The following FER1L6 variants were observed in gnomAD, a reference collection of about 807,000 sequenced individuals.
The protein encoded by FER1L6 is fer-1 like family member 6.
In FER1L6, 177 loss-of-function variants were observed where a neutral mutation model predicts 219.2. That is an observed-to-expected ratio of 0.81 (90% CI 0.71 to 0.91). FER1L6 has a LOEUF of 0.91. Among genes scored for constraint, FER1L6 ranks in the 40% least tolerant of loss-of-function variants. FER1L6 has a pLI of 0.00. For missense variants in FER1L6, 2,153 were observed against 2,259.9 expected (o/e 0.95, Z 0.96); for synonymous variants, 768 against 824.3 (o/e 0.93, Z 1.17).
At chr8:124,060,384 G>A (rs1214222049) in intron 23 of FER1L6, 94 bp downstream of exon 23, 3 of 1,435,872 alleles carry the variant, frequency 2.1e-6, no homozygotes, top group Non-Finnish European at 2.9e-6. Context: ...ATGGGCGGGA[G>A]ACCTAGAGAA....
chr8:123,990,120 T>A (rs932491072), intron 12 of FER1L6, among the ~76,000 whole-genome samples: 2 of 151,982 alleles, frequency 1.3e-5, no homozygotes, highest in Non-Finnish European at 2.9e-5. Flanking sequence ...TACAAAAAAT[T>A]AGCTGGGTGT....
chr8:123,871,164 C>T (rs555962677), intron 1 of FER1L6, among the ~76,000 whole-genome samples: 86 of 152,234 alleles, frequency 5.6e-4, no homozygotes, highest in African/African-American at 2.0e-3. Context: ...AGTATGAACT[C>T]GTGTTTACTT....
In FER1L6 at chr8:124,064,548, A is replaced by G; in HGVS notation, c.3530A>G (p.Glu1177Gly). 2 of 1,609,924 alleles carry G rather than the reference A, an allele frequency of 1.2e-6. No individual in the cohort carries two copies. Among genetic ancestry groups the G allele is most frequent in the Non-Finnish European group, 1.7e-6 (2 of 1,179,012 alleles). Residue 1177 changes from glutamate (E) to glycine (G), a missense_variant, in exon 26 of 41, where the codon GAG (glutamate) becomes GGG (glycine). Coordinates refer to ENST00000522917, the MANE Select transcript of FER1L6 (RefSeq NM_001039112.2). Reference protein sequence around the residue: ...LEPEHTPVAQEPPKDGKPKDP... With the variant: ...LEPEHTPVAQGPPKDGKPKDP... The stretch of plus-strand genomic sequence containing the variant: ...CCTGAACACACACCTGTAGCCCAGG[A>G]GCCACCAAAAGATGGAAAACCTAAG...
intron 34 of FER1L6, among the ~76,000 whole-genome samples, chr8:124,091,828 G>T (rs984939678): frequency 1.3e-5 from 2 of 151,938 alleles, no homozygotes; most frequent in African/African-American, 2.4e-5. Flanking sequence ...GTAGCCATGC[G>T]TGGTGGCAGA....
intron 1 of FER1L6, among the ~76,000 whole-genome samples, chr8:123,902,854 G>T (rs1345178025): frequency 1.3e-5 from 2 of 152,074 alleles, no homozygotes; most frequent in Admixed American, 1.3e-4. Flanking sequence ...TTTTGTTGTT[G>T]TTGTTGTTTT....
intron 25 of FER1L6, among the ~76,000 whole-genome samples, chr8:124,063,767 G>A (rs1185512870): frequency 6.6e-6 from 1 of 152,162 alleles, no homozygotes; most frequent in Non-Finnish European, 1.5e-5. Context: ...TACCGAACTG[G>A]GAAATGTTCC....
chr8:124,086,560 AGTT>A (rs771805217), intron 33 of FER1L6, among the ~76,000 whole-genome samples: 6 of 151,794 alleles, frequency 4.0e-5, no homozygotes, highest in African/African-American at 7.2e-5. Flanking sequence ...TGTCTTTAAA[AGTT>A]GTTGTAGTTA....
intron 1 of FER1L6, among the ~76,000 whole-genome samples, chr8:123,874,384 A>T (rs1409574844): frequency 2.6e-5 from 4 of 152,184 alleles, no homozygotes; most frequent in African/African-American, 4.8e-5. Context: ...ACCCTCTGTA[A>T]AGTGGGAGTA....
In FER1L6 at chr8:123,907,678, G is replaced by A. The variant is rs75307787; in HGVS notation, c.-7-48314G>A. Among the ~76,000 whole-genome samples the A allele has an allele frequency of 1.4e-3, 211 of 148,166 alleles. 4 individuals are homozygous for A. In the East Asian group the frequency reaches 0.033, roughly 23 times the overall value. ...TAAAACCCAGGAGGCTTCCCTGAGG[G>A]CCTCTCACTGGACATGATTGTATGA... On this transcript the variant is annotated intron_variant, in intron 1 of 40. Coordinates refer to ENST00000522917, the MANE Select transcript of FER1L6 (RefSeq NM_001039112.2).
intron 1 of FER1L6, among the ~76,000 whole-genome samples, chr8:123,926,237 G>A (rs1164020791): frequency 6.6e-6 from 1 of 152,216 alleles, no homozygotes; most frequent in Non-Finnish European, 1.5e-5. Flanking sequence ...AGAGAATCTT[G>A]TTGTGATGTC....
chr8:124,085,317 T>C (rs1315270667), intron 33 of FER1L6, among the ~76,000 whole-genome samples: 1 of 152,108 alleles, frequency 6.6e-6, no homozygotes, highest in Non-Finnish European at 1.5e-5. Flanking sequence ...TATTGTTACA[T>C]TATTTATTTG....
chr8:123,956,111 G>T (rs1262173796), intron 2 of FER1L6, 37 bp downstream of exon 2: 3 of 1,573,418 alleles, frequency 1.9e-6, no homozygotes, highest in African/African-American at 2.7e-5. Flanking sequence ...ATTGGGGCCT[G>T]AGAGTCTCGC....
chr8:123,943,582 G>C (rs553490993), intron 1 of FER1L6, among the ~76,000 whole-genome samples: 1 of 152,178 alleles, frequency 6.6e-6, no homozygotes, highest in African/African-American at 2.4e-5. Context: ...CCGAGACAGT[G>C]GTGGCTGCTG....
chr8:123,887,527 G>T (rs1187820955), intron 1 of FER1L6, among the ~76,000 whole-genome samples: 1 of 152,194 alleles, frequency 6.6e-6, no homozygotes, highest in Non-Finnish European at 1.5e-5. Flanking sequence ...TTTGACATCT[G>T]CATCCAGATA....
intron 1 of FER1L6, among the ~76,000 whole-genome samples, chr8:123,857,358 A>G (rs1816666411): frequency 6.6e-6 from 1 of 152,066 alleles, no homozygotes; most frequent in Non-Finnish European, 1.5e-5. Flanking sequence ...AATTTTTTAA[A>G]AATTAGCCAG....
chr8:123,859,424 A>G (rs1271118865), intron 1 of FER1L6, among the ~76,000 whole-genome samples: 2 of 152,070 alleles, frequency 1.3e-5, no homozygotes, highest in Non-Finnish European at 2.9e-5. Flanking sequence ...TTAAAAATCT[A>G]TCTTAGCAAC....
intron 22 of FER1L6, among the ~76,000 whole-genome samples, chr8:124,055,927 A>G (rs549602956): frequency 6.6e-6 from 1 of 152,010 alleles, no homozygotes; most frequent in South Asian, 2.1e-4. Context: ...CTTTACCTTC[A>G]AGCCAGCCAG....
At chr8:123,914,890 A>AAG (rs1813139199) in intron 1 of FER1L6, among the ~76,000 whole-genome samples, 1 of 152,210 alleles carries the variant, frequency 6.6e-6, no homozygotes, top group East Asian at 1.9e-4. Flanking sequence ...GAGTAAATAC[A>AAG]TCTTCACTCT....
chr8:124,009,904 C>T (rs948545209), intron 13 of FER1L6, among the ~76,000 whole-genome samples: 8 of 151,614 alleles, frequency 5.3e-5, no homozygotes, highest in Non-Finnish European at 1.2e-4. Flanking sequence ...GCTGGCAACC[C>T]GGGCAGGAGA....
Sources: allele counts gnomAD v4.1 joint callset (sites outside exome capture counted in the v4.1 genomes callset), GRCh38; gene constraint gnomAD v4.1.1; transcripts MANE v1.5; gene names NCBI Gene and HGNC (gene_info 2026-07-23, HGNC 2026-07-21).